GPC5: variants seen among roughly 807,000 people sequenced by gnomAD.
GPC5 encodes glypican 5.
Under a neutral mutation model 53.9 loss-of-function variants are expected in GPC5, and 47 were observed. The ratio of observed to expected loss-of-function variants is 0.87; its 90% CI spans 0.69 to 1.11. The LOEUF (loss-of-function observed/expected upper bound fraction) is 1.11. Among genes scored for constraint, GPC5 ranks in the 50% most tolerant of loss-of-function variants. The probability of loss-of-function intolerance (pLI) is 0.00; values close to 1 mark genes in which losing one functional copy is unlikely to be tolerated. For synonymous variants in GPC5, 286 were observed against 263.3 expected, an observed-to-expected ratio of 1.09 and a Z score of -0.84; for missense variants, 748 against 713.1, an observed-to-expected ratio of 1.05 and a Z score of -0.56.
chr13:92,206,339 G>A (rs950854675), intron 7 of GPC5, among the ~76,000 whole-genome samples: 2 of 150,870 alleles, frequency 1.3e-5, no homozygotes, highest in African/African-American at 4.9e-5. Flanking sequence ...TAATTTTTTT[G>A]TAGTTTTAGT....
intron 7 of GPC5, among the ~76,000 whole-genome samples, chr13:92,845,675 T>C (rs1408499571): frequency 6.6e-6 from 1 of 152,132 alleles, no homozygotes; most frequent in Admixed American, 6.5e-5. Context: ...GGGTATCCCA[T>C]GGCCCAGTAA....
At chr13:92,486,670 A>G (rs949501045) in intron 7 of GPC5, among the ~76,000 whole-genome samples, 1 of 152,244 alleles carries the variant, frequency 6.6e-6, no homozygotes, top group Admixed American at 6.5e-5. Context: ...ATGAGAATAT[A>G]AAGATCACTG....
intron 7 of GPC5, among the ~76,000 whole-genome samples, chr13:92,709,057 T>C (rs1309269302): frequency 1.3e-5 from 2 of 150,876 alleles, no homozygotes; most frequent in African/African-American, 4.9e-5. Context: ...ATTTTTTTTG[T>C]TGTTGTTGAG....
chr13:92,346,331 GC>G (rs2043412054), intron 7 of GPC5, among the ~76,000 whole-genome samples: 1 of 152,274 alleles, frequency 6.6e-6, no homozygotes, highest in Middle Eastern at 3.4e-3. Flanking sequence ...AAATACATCT[GC>G]TTCCTAGCCT....
intron 2 of GPC5, among the ~76,000 whole-genome samples, chr13:91,681,314 T>C (rs1264887782): frequency 6.6e-6 from 1 of 152,166 alleles, no homozygotes; most frequent in Non-Finnish European, 1.5e-5. Flanking sequence ...TATAAGAGAA[T>C]GCGTCACCAG....
At position 92,283,451 on chromosome 13, in the gene GPC5, A is replaced by C. The variant is rs571223619; in HGVS notation, c.1561+138462A>C. On this transcript the variant is annotated intron_variant, in intron 7 of 7. Transcript: ENST00000377067. ...CAACAGAATATACGTTCTTCTCAGC[A>C]CCACATCACACTTATTCCAAAATTG... is the stretch of plus-strand genomic sequence containing the variant. Among the ~76,000 whole-genome samples, 11 of 152,362 alleles carry C rather than the reference A, an allele frequency of 7.2e-5. No homozygotes were observed. In the East Asian group the frequency reaches 2.1e-3, roughly 29 times the overall value.
intron 7 of GPC5, among the ~76,000 whole-genome samples, chr13:92,477,503 T>C (rs1229963766): frequency 1.3e-5 from 2 of 152,164 alleles, no homozygotes; most frequent in Non-Finnish European, 2.9e-5. Context: ...TGCTTTCTTC[T>C]TCCCTCTCCT....
At chr13:91,456,755 T>C (rs1881587668) in intron 2 of GPC5, among the ~76,000 whole-genome samples, 1 of 151,820 alleles carries the variant, frequency 6.6e-6, no homozygotes, top group African/African-American at 2.4e-5. Context: ...ACTTGCATGC[T>C]GTAAAAAGTA....
At chr13:92,765,334 T>A (rs1232355565) in intron 7 of GPC5, among the ~76,000 whole-genome samples, 1 of 152,220 alleles carries the variant, frequency 6.6e-6, no homozygotes, top group African/African-American at 2.4e-5. Flanking sequence ...TATAAAATGA[T>A]AGGGTTTTTA....
At chr13:91,496,012 G>A (rs1469287534) in intron 2 of GPC5, among the ~76,000 whole-genome samples, 1 of 150,316 alleles carries the variant, frequency 6.7e-6, no homozygotes, top group Non-Finnish European at 1.5e-5. Flanking sequence ...GACAGAGAGA[G>A]ACTCTGTCTC....
intron 7 of GPC5, among the ~76,000 whole-genome samples, chr13:92,299,719 G>A (rs1227741971): frequency 1.3e-5 from 2 of 152,124 alleles, no homozygotes; most frequent in South Asian, 4.1e-4. Flanking sequence ...TTGTAACCAT[G>A]TGTTGTCATC....
At chr13:91,719,090 A>G (rs2036408954) in intron 3 of GPC5, among the ~76,000 whole-genome samples, 1 of 152,210 alleles carries the variant, frequency 6.6e-6, no homozygotes, top group Non-Finnish European at 1.5e-5. Flanking sequence ...TTATTTATTT[A>G]CCAAATCCTC....
intron 7 of GPC5, among the ~76,000 whole-genome samples, chr13:92,395,807 G>C (rs1030249267): frequency 2.0e-5 from 3 of 151,442 alleles, no homozygotes; most frequent in African/African-American, 7.3e-5. Flanking sequence ...CATCCTTGCT[G>C]TATCAGTAAG....
intron 7 of GPC5, among the ~76,000 whole-genome samples, chr13:92,327,325 C>CTT (rs1313661852): frequency 3.3e-5 from 5 of 152,172 alleles, no homozygotes; most frequent in Non-Finnish European, 7.3e-5. Flanking sequence ...CTGTAAAATA[C>CTT]TTTCAACTCT....
intron 6 of GPC5, among the ~76,000 whole-genome samples, chr13:92,090,033 A>T (rs2041367079): frequency 6.6e-6 from 1 of 152,148 alleles, no homozygotes; most frequent in Non-Finnish European, 1.5e-5. Context: ...CATTCATCTT[A>T]TGTGGTGAAA....
intron 7 of GPC5, among the ~76,000 whole-genome samples, chr13:92,600,319 G>A (rs1044167045): frequency 6.6e-6 from 1 of 152,014 alleles, no homozygotes; most frequent in East Asian, 1.9e-4. Flanking sequence ...ATTTTGTAGG[G>A]TTTGTTTTTT....
chr13:92,476,140 C>T lies in GPC5; in HGVS notation c.1561+331151C>T, dbSNP rs1241410623. 2.6e-5 allele frequency among the ~76,000 whole-genome samples: 4 copies of T among 152,262 alleles called. No individual in the cohort carries two copies. The East Asian group carries it at 7.7e-4, about 29-fold the overall frequency. ...AATGGGAGAAAATTTTTGCAACCTA[C>T]TCATCTGACAAAGGGCTAACATTCA... On this transcript the variant is annotated intron_variant, in intron 7 of 7. Transcript: ENST00000377067.
intron 6 of GPC5, among the ~76,000 whole-genome samples, chr13:92,111,297 A>G (rs933852547): frequency 2.1e-4 from 32 of 152,156 alleles, no homozygotes; most frequent in Admixed American, 2.0e-3. Flanking sequence ...GGCAAATGGC[A>G]TACAACAGCT....
intron 1 of GPC5, among the ~76,000 whole-genome samples, chr13:91,437,009 C>T (rs955316542): frequency 6.6e-6 from 1 of 152,014 alleles, no homozygotes; most frequent in African/African-American, 2.4e-5. Context: ...GGAATTGCAA[C>T]CCCTGCCTTT....
Sources: allele counts gnomAD v4.1 joint callset (sites outside exome capture counted in the v4.1 genomes callset), GRCh38; gene constraint gnomAD v4.1.1; transcripts MANE v1.5; gene names NCBI Gene and HGNC (gene_info 2026-07-23, HGNC 2026-07-21).